Variants in GNAS-AS1 observed in about 807,000 individuals in gnomAD.
GNAS-AS1 encodes GNAS antisense RNA 1.
chr20:58,842,472 G>C (rs1426552621), exon 3 of GNAS-AS1: 8 of 398,542 alleles, frequency 2.0e-5, no homozygotes, highest in Non-Finnish European at 3.1e-5. Flanking sequence ...CCGTAGGAAA[G>C]GCGTCGCGGC....
chr20:58,847,839 G>A (rs2085994710), intron 2 of GNAS-AS1, among the ~76,000 whole-genome samples: 1 of 152,204 alleles, frequency 6.6e-6, no homozygotes, highest in Admixed American at 6.5e-5. Context: ...CTAAACTTGA[G>A]ATATGCCTTA....
chr20:58,847,576 A>C (rs1375844366), intron 2 of GNAS-AS1, among the ~76,000 whole-genome samples: 2 of 152,194 alleles, frequency 1.3e-5, no homozygotes, highest in African/African-American at 4.8e-5. Context: ...TTCTGCTTTT[A>C]CTTTTTCCTC....
At chr20:58,825,930 G>T in intron 4 of GNAS-AS1, 1 of 396,098 alleles carries the variant, frequency 2.5e-6, no homozygotes, top group South Asian at 1.3e-4. Flanking sequence ...ACGACAACTG[G>T]TGGCCACAGG....
chr20:58,830,380 CACA>C (rs1178558751), intron 4 of GNAS-AS1, among the ~76,000 whole-genome samples: 7 of 144,416 alleles, frequency 4.8e-5, no homozygotes, highest in African/African-American at 1.6e-4. Flanking sequence ...ACACCATCAC[CACA>C]ATCACCACCA....
chr20:58,826,207 C>T (rs1442393429), intron 4 of GNAS-AS1: 13 of 397,386 alleles, frequency 3.3e-5, no homozygotes, highest in Middle Eastern at 1.2e-3. Flanking sequence ...AACATTAATA[C>T]GAATTATTTG....
intron 4 of GNAS-AS1, among the ~76,000 whole-genome samples, chr20:58,832,160 G>T (rs1285585859): frequency 6.6e-6 from 1 of 151,436 alleles, no homozygotes; most frequent in African/African-American, 2.4e-5. Flanking sequence ...ATAATAAGAG[G>T]CCTGAAAATA....
At chr20:58,847,935 A>G (rs931551019) in intron 2 of GNAS-AS1, among the ~76,000 whole-genome samples, 1 of 152,212 alleles carries the variant, frequency 6.6e-6, no homozygotes, top group Admixed American at 6.5e-5. Flanking sequence ...GCATCAATAG[A>G]GAGGTGAGAC....
In GNAS-AS1 at chr20:58,841,673, G is replaced by C; in HGVS notation, n.819+264C>G. ...GGCGGTTAGGGGAAAGTACCTGGGGGAAAGGTAGAGGAGGTAAGGGGACCC... is the reference window on the plus strand; with the variant it reads ...GGCGGTTAGGGGAAAGTACCTGGGGCAAAGGTAGAGGAGGTAAGGGGACCC... On this transcript the variant is annotated intron_variant and non_coding_transcript_variant, in intron 4 of 4. Coordinates refer to ENST00000424094, the Ensembl canonical transcript of GNAS-AS1. The surrounding 1 kb of genome is among the most constrained non-coding windows in gnomAD (Gnocchi z 5.0). 3.4e-6 allele frequency: 4 copies of C among 1,169,754 alleles called. No individual in the cohort carries two copies. Among genetic ancestry groups the C allele is most frequent in the Non-Finnish European group, 2.1e-6 (2 of 948,268 alleles). The allele number at this position is 1,169,754 out of a possible 1,614,324, so 72.5% of individuals were successfully genotyped here.
chr20:58,850,190 G>C (rs895245994), intron 1 of GNAS-AS1, among the ~76,000 whole-genome samples: 25 of 152,076 alleles, frequency 1.6e-4, no homozygotes, highest in African/African-American at 5.8e-4. Flanking sequence ...CATATAAAAA[G>C]TCATTTTCTC....
At chr20:58,845,257 A>G (rs1434268197) in intron 2 of GNAS-AS1, among the ~76,000 whole-genome samples, 2 of 152,232 alleles carry the variant, frequency 1.3e-5, no homozygotes, top group Non-Finnish European at 1.5e-5. Context: ...TGGTTAAGCT[A>G]GACCTGAAAA....
intron 4 of GNAS-AS1, among the ~76,000 whole-genome samples, chr20:58,819,706 C>T (rs1199550937): frequency 6.6e-6 from 1 of 152,172 alleles, no homozygotes; most frequent in African/African-American, 2.4e-5. Flanking sequence ...GGCTATGGTG[C>T]TCCACTGATC....
intron 3 of GNAS-AS1, chr20:58,842,277 AT>A (rs200012486): frequency 1.3e-4 from 49 of 386,152 alleles, no homozygotes; most frequent in East Asian, 8.5e-4. Flanking sequence ...TTGGAAATTG[AT>A]TTTTTTTTTC....
In GNAS-AS1 at chr20:58,840,288, G is replaced by A; in HGVS notation, n.819+1649C>T. 1 of 1,612,378 alleles carries A rather than the reference G, an allele frequency of 6.2e-7. No individual in the cohort carries two copies. On this transcript the variant is annotated intron_variant and non_coding_transcript_variant, in intron 4 of 4. Transcript: ENST00000424094. The surrounding 1 kb of genome is among the most constrained non-coding windows in gnomAD (Gnocchi z 6.0). ...CAGCAGCGCGCGGCTGCCCAACAGC[G>A]CCGGAGCTTCCTTAACGCCCACCAC...
At chr20:58,844,792 C>T (rs2085880352) in intron 2 of GNAS-AS1, among the ~76,000 whole-genome samples, 1 of 150,766 alleles carries the variant, frequency 6.6e-6, no homozygotes, top group Non-Finnish European at 1.5e-5. Flanking sequence ...TGTGAGACTC[C>T]ATCTCAAAAA....
chr20:58,829,859 C>A (rs534110352), intron 4 of GNAS-AS1, among the ~76,000 whole-genome samples: 1 of 152,262 alleles, frequency 6.6e-6, no homozygotes, highest in Non-Finnish European at 1.5e-5. Context: ...CGCGATGACT[C>A]ATTATTTCCA....
In GNAS-AS1 at chr20:58,840,899, C is replaced by T; in HGVS notation, n.819+1038G>A. On this transcript the variant is annotated intron_variant and non_coding_transcript_variant, in intron 4 of 4. Coordinates refer to ENST00000424094, the Ensembl canonical transcript of GNAS-AS1. The surrounding 1 kb of genome is among the most constrained non-coding windows in gnomAD (Gnocchi z 6.0). ...TTCATGGATTCAGGTTAGTTGCCCA[C>T]CGCTAAACTGGGGAGCCTGAGGGCG... 2 of 1,612,070 alleles carry T rather than the reference C, an allele frequency of 1.2e-6. No homozygotes were observed. The highest frequency in any genetic ancestry group is 1.7e-6 in the Non-Finnish European group (2 of 1,179,646).
At chr20:58,822,337 TG>T (rs1233842884) in intron 4 of GNAS-AS1, among the ~76,000 whole-genome samples, 2 of 152,120 alleles carry the variant, frequency 1.3e-5, no homozygotes, top group Non-Finnish European at 2.9e-5. Flanking sequence ...CACTCAGAGA[TG>T]AGTGACAGGC....
At chr20:58,834,058 T>G (rs180899562) in intron 4 of GNAS-AS1, 285 of 152,338 alleles carry the variant, frequency 1.9e-3, no homozygotes, top group Non-Finnish European at 2.3e-3. Flanking sequence ...AGCGTGTGCC[T>G]AAACCGTGAC....
chr20:58,842,251 A>C (rs2085766754), intron 3 of GNAS-AS1: 1 of 398,482 alleles, frequency 2.5e-6, no homozygotes, highest in Non-Finnish European at 4.4e-6. Context: ...AATGTCTTTA[A>C]AAAATCTCAT....
Sources: allele counts gnomAD v4.1 joint callset (sites outside exome capture counted in the v4.1 genomes callset), GRCh38; gene constraint gnomAD v4.1.1; non-coding constraint Gnocchi (gnomAD v3.1); transcripts MANE v1.5; gene names NCBI Gene and HGNC (gene_info 2026-07-23, HGNC 2026-07-21).